Variants in TLE1 observed in about 807,000 individuals in gnomAD.
TLE1 encodes the protein transducin-like enhancer protein 1.
A neutral mutation model predicts 89.8 loss-of-function variants in TLE1; 21 were observed. The ratio of observed to expected loss-of-function variants is 0.23; its 90% CI spans 0.17 to 0.34. TLE1 has a LOEUF of 0.34. Among genes scored for constraint, TLE1 ranks in the 10% least tolerant of loss-of-function variants. The probability of loss-of-function intolerance (pLI) is 1.00; values close to 1 mark genes in which losing one functional copy is unlikely to be tolerated. For synonymous variants in TLE1, 447 were observed against 407.6 expected, an observed-to-expected ratio of 1.10 and a Z score of -1.16; for missense variants, 795 against 1,031.2, an observed-to-expected ratio of 0.77 and a Z score of 3.14.
At chr9:81,682,854 T>A (rs773662079) in intron 4 of TLE1, among the ~76,000 whole-genome samples, 3 of 152,158 alleles carry the variant, frequency 2.0e-5, no homozygotes, top group Non-Finnish European at 4.4e-5. Flanking sequence ...AAAAAAATAT[T>A]CTTAGTGCTA....
chr9:81,590,203 G>C (rs1428538132), intron 16 of TLE1, among the ~76,000 whole-genome samples: 1 of 152,246 alleles, frequency 6.6e-6, no homozygotes, highest in Non-Finnish European at 1.5e-5. Flanking sequence ...TTTGGCGGGG[G>C]AGCTGAGGAG....
intron 2 of TLE1, among the ~76,000 whole-genome samples, chr9:81,686,734 T>C (rs528844706): frequency 1.4e-4 from 21 of 152,264 alleles, no homozygotes; most frequent in African/African-American, 4.8e-4. Flanking sequence ...TCTCATTACT[T>C]GAAGAAACTA....
chr9:81,599,098 G>A (rs914945677), intron 14 of TLE1, among the ~76,000 whole-genome samples: 1 of 152,224 alleles, frequency 6.6e-6, no homozygotes, highest in Non-Finnish European at 1.5e-5. Flanking sequence ...GAGGTGTGAA[G>A]TAATGAAGCC....
At chr9:81,643,393 C>T (rs773013517) in intron 6 of TLE1, among the ~76,000 whole-genome samples, 12 of 151,982 alleles carry the variant, frequency 7.9e-5, no homozygotes, top group Admixed American at 4.6e-4. Flanking sequence ...TGTGCCACCA[C>T]GCCAGGCTAA....
chr9:81,673,396 C>A (rs1832494439), intron 4 of TLE1, among the ~76,000 whole-genome samples: 2 of 146,714 alleles, frequency 1.4e-5, no homozygotes, highest in Admixed American at 1.4e-4. Flanking sequence ...ATGGGAAAAT[C>A]AGTTCAGAGG....
intron 4 of TLE1, among the ~76,000 whole-genome samples, chr9:81,658,817 C>A (rs550344234): frequency 6.6e-6 from 1 of 152,170 alleles, no homozygotes; most frequent in Non-Finnish European, 1.5e-5. Context: ...TTATCTCTTG[C>A]TTCAACAAAA....
intron 4 of TLE1, among the ~76,000 whole-genome samples, chr9:81,663,084 T>C (rs1831021784): frequency 6.6e-6 from 1 of 152,096 alleles, no homozygotes; most frequent in South Asian, 2.1e-4. Flanking sequence ...TACCTCAAAT[T>C]ATCCACACGC....
intron 12 of TLE1, 80 bp from the exon 13 acceptor site, chr9:81,612,039 G>T: frequency 1.7e-6 from 2 of 1,142,862 alleles, no homozygotes; most frequent in Non-Finnish European, 2.3e-6. Flanking sequence ...CTCATCATTT[G>T]TTAGTGTCAC....
intron 4 of TLE1, among the ~76,000 whole-genome samples, chr9:81,674,548 C>G (rs1056313787): frequency 1.1e-4 from 16 of 152,160 alleles, no homozygotes; most frequent in African/African-American, 3.9e-4. Flanking sequence ...AGTTCAAAAT[C>G]AGAGTCCTTT....
In TLE1 at chr9:81,675,708, G is replaced by GTTTTTTTGT. The variant is rs1832808160; in HGVS notation, c.234+9967_234+9968insACAAAAAAA. The stretch of plus-strand genomic sequence containing the variant: ...TAAGGACTCACACTAGTTTTTTTTT[G>GTTTTTTTGT]TTTTTTTTTTTGAGACGGAGTCTCG... On this transcript the variant is annotated intron_variant, in intron 4 of 19. Transcript: ENST00000376499. Among the ~76,000 whole-genome samples the GTTTTTTTGT allele has an allele frequency of 3.8e-5, 5 of 132,438 alleles. 1 individual carries two copies. Among genetic ancestry groups the GTTTTTTTGT allele is most frequent in the African/African-American group, 1.5e-4 (5 of 33,136 alleles). The allele number at this position is 132,438 out of a possible 152,430, so 86.9% of individuals were successfully genotyped here.
At chr9:81,586,017 C>CTTTT (rs560998726) in intron 17 of TLE1, among the ~76,000 whole-genome samples, 1 of 128,954 alleles carries the variant, frequency 7.8e-6, no homozygotes, top group African/African-American at 2.9e-5. Flanking sequence ...CGTTAGGTGA[C>CTTTT]TTTTTTTTTT....
chr9:81,586,017 CTTTT>C (rs560998726), intron 17 of TLE1, among the ~76,000 whole-genome samples: 1 of 128,944 alleles, frequency 7.8e-6, no homozygotes, highest in Non-Finnish European at 1.6e-5. Flanking sequence ...CGTTAGGTGA[CTTTT>C]TTTTTTTTTT....
At chr9:81,665,879 G>T (rs1346933902) in intron 4 of TLE1, among the ~76,000 whole-genome samples, 4 of 146,288 alleles carry the variant, frequency 2.7e-5, no homozygotes, top group Non-Finnish European at 6.0e-5. Flanking sequence ...TTTTTTTAAA[G>T]AATTCAGTTG....
chr9:81,673,715 G>A (rs1211720864), intron 4 of TLE1, among the ~76,000 whole-genome samples: 4 of 152,242 alleles, frequency 2.6e-5, no homozygotes, highest in East Asian at 1.9e-4. Flanking sequence ...GGGAGGGGGC[G>A]GCTTCTGGCG....
intron 4 of TLE1, among the ~76,000 whole-genome samples, chr9:81,665,861 C>G (rs1831398670): frequency 1.8e-5 from 1 of 55,160 alleles, no homozygotes; most frequent in Non-Finnish European, 3.4e-5. Context: ...GGGCTGCCCT[C>G]ATTTTTTTTT....
chr9:81,629,731 A>G (rs1320809538), intron 8 of TLE1, among the ~76,000 whole-genome samples: 1 of 152,208 alleles, frequency 6.6e-6, no homozygotes, highest in Non-Finnish European at 1.5e-5. Flanking sequence ...ACTGTCCTGA[A>G]TATTACAGGC....
Position 81,615,965 on chromosome 9 carries a change from C to T in TLE1, c.918+17G>A. 2 of 1,612,924 alleles carry T rather than the reference C, an allele frequency of 1.2e-6. No homozygotes were observed. The highest frequency in any genetic ancestry group is 1.7e-6 in the Non-Finnish European group (2 of 1,179,922). On this transcript the variant is annotated intron_variant, in intron 11 of 19. Coordinates refer to ENST00000376499, the MANE Select transcript of TLE1 (RefSeq NM_005077.5). ...AATACACTGCCAAACAGGCAAGTGT[C>T]AGTTTTCTTTACCTACCAAGCTCAT...
intron 16 of TLE1, among the ~76,000 whole-genome samples, chr9:81,590,154 G>T (rs1171854331): frequency 1.4e-5 from 2 of 147,916 alleles, no homozygotes; most frequent in Non-Finnish European, 3.1e-5. Flanking sequence ...GACTTTTTGA[G>T]AACAGCTCTG....
chr9:81,674,362 CA>C (rs1305113896), intron 4 of TLE1, among the ~76,000 whole-genome samples: 1 of 152,106 alleles, frequency 6.6e-6, no homozygotes, highest in Non-Finnish European at 1.5e-5. Context: ...AAGAGGGCAC[CA>C]AGAGGAAACA....
Sources: gnomAD v4.1 joint callset for allele counts (sites outside exome capture counted in the v4.1 genomes callset) on GRCh38, gnomAD v4.1.1 for gene constraint, MANE v1.5 for transcripts, NCBI Gene and HGNC (gene_info 2026-07-23, HGNC 2026-07-21) for gene names.